The following CSTF3 variants were observed in gnomAD, a reference collection of about 807,000 sequenced individuals.
The protein encoded by CSTF3 is cleavage stimulation factor subunit 3, also known as CF-1 77 kDa subunit.
A neutral mutation model predicts 105.8 loss-of-function variants in CSTF3; 29 were observed. That is an observed-to-expected ratio of 0.27 (90% CI 0.20 to 0.37). The LOEUF is 0.37. Among genes scored for constraint, CSTF3 ranks in the 10% least tolerant of loss-of-function variants. The pLI is 1.00. For synonymous variants in CSTF3, 252 were observed against 281.9 expected (o/e 0.89, Z 1.06); for missense variants, 357 against 879.3 (o/e 0.41, Z 7.51).
chr11:33,132,422 TTAC>T (rs1855609067), intron 3 of CSTF3, among the ~76,000 whole-genome samples: 3 of 152,050 alleles, frequency 2.0e-5, no homozygotes, highest in Admixed American at 1.3e-4. Context: ...GATGGGGTGA[TTAC>T]TACATTGCCC....
At chr11:33,102,008 A>G (rs1301002139) in intron 10 of CSTF3, among the ~76,000 whole-genome samples, 169 bp downstream of exon 10, 1 of 152,190 alleles carries the variant, frequency 6.6e-6, no homozygotes, top group African/African-American at 2.4e-5. Context: ...CAGACTGCAT[A>G]TGATGAAAAC....
intron 15 of CSTF3, among the ~76,000 whole-genome samples, chr11:33,094,397 G>A (rs1013667995): frequency 1.3e-5 from 2 of 151,984 alleles, no homozygotes; most frequent in Admixed American, 6.6e-5. Context: ...CCACAAAAAC[G>A]TTTTTCTGGA....
At chr11:33,090,035 A>T (rs12796411) in intron 17 of CSTF3, among the ~76,000 whole-genome samples, 1 of 152,016 alleles carries the variant, frequency 6.6e-6, no homozygotes, top group South Asian at 2.1e-4. Context: ...AAGGCCACTG[A>T]AGGAGCACTG....
At chr11:33,096,487 C>G in intron 14 of CSTF3, 79 bp from the exon 15 acceptor site, 1 of 844,242 alleles carries the variant, frequency 1.2e-6, no homozygotes, top group Admixed American at 2.7e-5. Flanking sequence ...AAAATTATAC[C>G]TACATATGAC....
In CSTF3 at chr11:33,105,629, C is replaced by T; in HGVS notation, c.523G>A (p.Gly175Ser). 6.2e-7 allele frequency: 1 copy of T among 1,613,226 alleles called. No individual in the cohort carries two copies. Among genetic ancestry groups the T allele is most frequent in the Non-Finnish European group, 8.5e-7 (1 of 1,179,284 alleles). Residue 175 changes from glycine (G) to serine (S), a missense_variant, in exon 8 of 21, where the codon GGT becomes AGT. Transcript: ENST00000323959. ...ITAVRRVYQR[G>S]CVNPMINIEQ... is the part of the protein sequence containing the mutation. ...ATGTTGATCATCGGATTAACACAAC[C>T]TCGTTGATAAACTCTTCGGACAGCT...
intron 3 of CSTF3, among the ~76,000 whole-genome samples, chr11:33,109,477 A>T (rs1051006188): frequency 6.6e-6 from 1 of 152,152 alleles, no homozygotes; most frequent in East Asian, 1.9e-4. Flanking sequence ...TTTAGCACAC[A>T]CTTAAACACA....
At chr11:33,098,361 A>C (rs1855245973) in intron 13 of CSTF3, among the ~76,000 whole-genome samples, 1 of 152,244 alleles carries the variant, frequency 6.6e-6, no homozygotes, top group Non-Finnish European at 1.5e-5. Flanking sequence ...CCATGATCAC[A>C]AAGAAAGTGT....
At chr11:33,127,975 CCATTTTTT>C (rs1475895685) in intron 3 of CSTF3, among the ~76,000 whole-genome samples, 2 of 152,120 alleles carry the variant, frequency 1.3e-5, no homozygotes, top group Non-Finnish European at 2.9e-5. Context: ...GGAAAACTTT[CCATTTTTT>C]CATTTAAAAA....
chr11:33,102,523 AG>A (rs1855290478), intron 9 of CSTF3, among the ~76,000 whole-genome samples, 184 bp from the exon 10 acceptor site: 2 of 152,228 alleles, frequency 1.3e-5, no homozygotes, highest in Non-Finnish European at 1.5e-5. Flanking sequence ...ACTCAAGAAC[AG>A]GTTCCCAGGA....
In CSTF3 at chr11:33,096,252, A is replaced by C. The variant is rs1855221967; in HGVS notation, c.1375+54T>G. On this transcript the variant is annotated intron_variant, in intron 15 of 20. Coordinates refer to ENST00000323959, the MANE Select transcript of CSTF3 (RefSeq NM_001326.3). ...CAAGAAGGAAGAAATCTAGCAACAT[A>C]ATTCCACATGGTTTAATATTAAGTA... is the stretch of plus-strand genomic sequence containing the variant. The C allele has an allele frequency of 3.3e-6, 4 of 1,203,812 alleles. No individual in the cohort carries two copies. The East Asian group carries it at 1.1e-4, about 32-fold the overall frequency. 74.6% of individuals were successfully genotyped at this position (1,203,812 alleles called of 1,614,324 possible). A position where few individuals can be genotyped will look rare whatever the true frequency, so the allele number is the denominator to read the frequency against.
chr11:33,145,674 C>T (rs1427094664), intron 1 of CSTF3, among the ~76,000 whole-genome samples: 1 of 151,784 alleles, frequency 6.6e-6, no homozygotes, highest in Non-Finnish European at 1.5e-5. Context: ...ATTAGCTGGG[C>T]GTGGTGGTGG....
At chr11:33,113,147 C>CA (rs1248465730) in intron 3 of CSTF3, among the ~76,000 whole-genome samples, 11 of 151,800 alleles carry the variant, frequency 7.2e-5, no homozygotes, top group African/African-American at 2.7e-4. Context: ...GTGGAGGTGG[C>CA]AGTGAGCAGA....
intron 1 of CSTF3, among the ~76,000 whole-genome samples, chr11:33,159,991 T>C (rs1849918627): frequency 1.3e-5 from 2 of 152,092 alleles, no homozygotes; most frequent in Non-Finnish European, 2.9e-5. Context: ...CAAGAGGTCA[T>C]GGTAACATTT....
At chr11:33,131,090 G>A (rs1000402253) in intron 3 of CSTF3, among the ~76,000 whole-genome samples, 1 of 152,116 alleles carries the variant, frequency 6.6e-6, no homozygotes, top group African/African-American at 2.4e-5. Context: ...ACAAAGATTT[G>A]CCCCTTTTGT....
chr11:33,158,050 T>A (rs1274850411), intron 1 of CSTF3, among the ~76,000 whole-genome samples: 1 of 152,166 alleles, frequency 6.6e-6, no homozygotes, highest in Non-Finnish European at 1.5e-5. Flanking sequence ...CTGAATACAG[T>A]ATCTAGGATT....
intron 3 of CSTF3, among the ~76,000 whole-genome samples, chr11:33,121,000 T>C (rs1855481260): frequency 6.6e-6 from 1 of 152,060 alleles, no homozygotes; most frequent in Non-Finnish European, 1.5e-5. Flanking sequence ...AATATGGATT[T>C]TGAAAGTTAG....
At chr11:33,154,744 C>T (rs572094531) in intron 1 of CSTF3, among the ~76,000 whole-genome samples, 2 of 152,250 alleles carry the variant, frequency 1.3e-5, no homozygotes, top group South Asian at 2.1e-4. Flanking sequence ...ATCCGCCAGC[C>T]TCAGCCTCCC....
At chr11:33,160,466 T>C (rs1460615952) in intron 1 of CSTF3, among the ~76,000 whole-genome samples, 2 of 152,182 alleles carry the variant, frequency 1.3e-5, no homozygotes, top group Non-Finnish European at 2.9e-5. Flanking sequence ...AAACTGTATT[T>C]ATCTAAACAC....
intron 1 of CSTF3, among the ~76,000 whole-genome samples, chr11:33,142,227 AAGAC>A (rs1209198204): frequency 1.3e-5 from 2 of 152,188 alleles, no homozygotes; most frequent in Admixed American, 6.6e-5. Context: ...AGAAAAAAAA[AAGAC>A]AGCACTAAAC....
Sources: gnomAD v4.1 joint callset for allele counts (sites outside exome capture counted in the v4.1 genomes callset) on GRCh38, gnomAD v4.1.1 for gene constraint, MANE v1.5 for transcripts, NCBI Gene and HGNC (gene_info 2026-07-23, HGNC 2026-07-21) for gene names.